The following NSMCE2 variants were observed in gnomAD, a reference collection of about 807,000 sequenced individuals.
NSMCE2 encodes the protein NSE2 SUMO ligase component of SMC5/6 complex.
Under a neutral mutation model 23.8 loss-of-function variants are expected in NSMCE2, and 24 were observed. The observed-to-expected ratio is 1.01, with a 90% CI of 0.73 to 1.42. The LOEUF is 1.42. NSMCE2 is among the 40% of genes most tolerant of loss of function. NSMCE2 has a pLI of 0.00. For missense variants in NSMCE2, 284 were observed against 296.5 expected (o/e 0.96, Z 0.31); for synonymous variants, 92 against 94.1 (o/e 0.98, Z 0.13).
intron 1 of NSMCE2, among the ~76,000 whole-genome samples, chr8:125,099,697 A>G (rs566649106): frequency 4.3e-4 from 65 of 152,282 alleles, no homozygotes; most frequent in African/African-American, 1.4e-3. Flanking sequence ...TGACAAGAGC[A>G]GTTGCAGTGG....
At chr8:125,170,499 C>G (rs987824071) in intron 4 of NSMCE2, among the ~76,000 whole-genome samples, 3 of 144,964 alleles carry the variant, frequency 2.1e-5, no homozygotes, top group African/African-American at 5.1e-5. Context: ...CTCCACCTCC[C>G]GGGTTCAGGA....
chr8:125,364,672 T>C (rs1813706162), intron 7 of NSMCE2, among the ~76,000 whole-genome samples: 1 of 152,218 alleles, frequency 6.6e-6, no homozygotes, highest in Admixed American at 6.5e-5. Flanking sequence ...TCCAGAACTT[T>C]AAAACTTCTT....
intron 5 of NSMCE2, among the ~76,000 whole-genome samples, chr8:125,246,726 T>A (rs1279491624): frequency 6.6e-6 from 1 of 152,194 alleles, no homozygotes; most frequent in Non-Finnish European, 1.5e-5. Context: ...AGGGTATCTA[T>A]GACCAAATTA....
chr8:125,182,394 G>A lies in NSMCE2; in HGVS notation c.418+138G>A, dbSNP rs1822873667. 4.1e-6 allele frequency: 3 copies of A among 735,818 alleles called. No homozygotes were observed. In the Admixed American group the frequency reaches 7.8e-5, roughly 19 times the overall value. 45.6% of individuals were successfully genotyped at this position (735,818 alleles called of 1,614,324 possible). On this transcript the variant is annotated intron_variant, in intron 5 of 7. Transcript: ENST00000287437. ...TCATTCTAAGTTGCGTTTTATTGTT[G>A]TTGCAATTCTGTATTTTGTCTAATT...
At chr8:125,322,477 A>T (rs1027720185) in intron 5 of NSMCE2, among the ~76,000 whole-genome samples, 10 of 152,224 alleles carry the variant, frequency 6.6e-5, no homozygotes, top group African/African-American at 2.4e-4. Context: ...AACTTCTTAA[A>T]TCTACTAATG....
chr8:125,308,966 C>T (rs545468050), intron 5 of NSMCE2, among the ~76,000 whole-genome samples: 2 of 152,168 alleles, frequency 1.3e-5, no homozygotes, highest in Admixed American at 1.3e-4. Context: ...GTTATGAGGC[C>T]GGGCACGGTG....
At chr8:125,168,008 C>A (rs1821982872) in intron 4 of NSMCE2, among the ~76,000 whole-genome samples, 1 of 152,174 alleles carries the variant, frequency 6.6e-6, no homozygotes, top group Admixed American at 6.5e-5. Flanking sequence ...TCTCCTTAAT[C>A]ATACAGTTCG....
intron 3 of NSMCE2, among the ~76,000 whole-genome samples, chr8:125,138,417 GGTCA>G (rs1205409898): frequency 6.6e-5 from 10 of 151,756 alleles, no homozygotes; most frequent in Non-Finnish European, 1.5e-4. Flanking sequence ...GTAGAGGTGG[GGTCA>G]TGCTTTGTTG....
At chr8:125,201,443 CTGT>C (rs1436850000) in intron 5 of NSMCE2, among the ~76,000 whole-genome samples, 2 of 152,302 alleles carry the variant, frequency 1.3e-5, no homozygotes, top group East Asian at 3.9e-4. Flanking sequence ...AGCTGCAGGT[CTGT>C]TGGAGTTTGC....
intron 5 of NSMCE2, chr8:125,348,113 C>G (rs186267186): frequency 1.4e-4 from 22 of 152,268 alleles, no homozygotes; most frequent in Admixed American, 9.2e-4. Context: ...ACTGAGCTCC[C>G]TGAAGGCAAG....
At chr8:125,152,161 G>GA (rs538924540) in intron 4 of NSMCE2, among the ~76,000 whole-genome samples, 128 of 152,176 alleles carry the variant, frequency 8.4e-4, no homozygotes, top group South Asian at 1.9e-3. Context: ...TATAGTATTT[G>GA]ACTAACTTTA....
intron 5 of NSMCE2, among the ~76,000 whole-genome samples, chr8:125,342,472 G>A (rs546721339): frequency 8.6e-5 from 13 of 151,874 alleles, no homozygotes; most frequent in Admixed American, 3.9e-4. Context: ...ATGTGGGGAG[G>A]ATTTTAAAGG....
chr8:125,161,736 G>A (rs913842799), intron 4 of NSMCE2, among the ~76,000 whole-genome samples: 1 of 150,204 alleles, frequency 6.7e-6, no homozygotes, highest in African/African-American at 2.5e-5. Flanking sequence ...GGGTTGCAGT[G>A]AGCCAAGATT....
intron 5 of NSMCE2, among the ~76,000 whole-genome samples, chr8:125,199,626 G>A (rs112258466): frequency 0.066 from 10,082 of 152,254 alleles, 433 homozygotes; most frequent in South Asian, 0.15. Context: ...TAAGTGTGAT[G>A]TGGTGCTGAG....
chr8:125,302,681 G>T (rs181391902), intron 5 of NSMCE2, among the ~76,000 whole-genome samples: 1 of 152,290 alleles, frequency 6.6e-6, no homozygotes, highest in Admixed American at 6.5e-5. Context: ...GGCCTGTCCC[G>T]AGAAAGGACC....
chr8:125,241,491 G>A (rs1250153743), intron 5 of NSMCE2, among the ~76,000 whole-genome samples: 3 of 152,358 alleles, frequency 2.0e-5, no homozygotes, highest in South Asian at 2.1e-4. Flanking sequence ...TATCTGGGTC[G>A]TTTGTTTTCT....
intron 4 of NSMCE2, among the ~76,000 whole-genome samples, chr8:125,169,818 G>A (rs1005417118): frequency 3.3e-5 from 5 of 151,602 alleles, no homozygotes; most frequent in African/African-American, 1.2e-4. Context: ...TCTTTACATG[G>A]TGTACACCCC....
intron 5 of NSMCE2, among the ~76,000 whole-genome samples, chr8:125,252,631 A>G (rs1460146690): frequency 6.6e-6 from 1 of 152,258 alleles, no homozygotes; most frequent in Non-Finnish European, 1.5e-5. Context: ...AGGTCTTGTA[A>G]TTGGCAGTAC....
At chr8:125,173,255 A>C (rs1282281854) in intron 4 of NSMCE2, among the ~76,000 whole-genome samples, 6 of 152,204 alleles carry the variant, frequency 3.9e-5, no homozygotes, top group Non-Finnish European at 8.8e-5. Context: ...TTGGGTGCTG[A>C]GACTGTTAAA....
Sources: allele counts gnomAD v4.1 joint callset (sites outside exome capture counted in the v4.1 genomes callset), GRCh38; gene constraint gnomAD v4.1.1; transcripts MANE v1.5; gene names NCBI Gene and HGNC (gene_info 2026-07-23, HGNC 2026-07-21).